MELTF: variants seen among roughly 807,000 people sequenced by gnomAD.
MELTF encodes melanotransferrin.
MELTF carries 67 observed loss-of-function variants against 83.7 expected under a neutral mutation model. The observed-to-expected ratio is 0.80, with a 90% CI of 0.66 to 0.98. The LOEUF (loss-of-function observed/expected upper bound fraction) is 0.98, where lower values mean the gene tolerates loss of function less well. Among genes scored for constraint, MELTF ranks in the 50% least tolerant of loss-of-function variants. MELTF has a pLI of 0.00. For missense variants in MELTF, 1,002 were observed against 1,035.6 expected (o/e 0.97, Z 0.44); for synonymous variants, 462 against 447.6 (o/e 1.03, Z -0.41).
At chr3:197,019,237 G>A in intron 6 of MELTF, 1 of 1,016,730 alleles carries the variant, frequency 9.8e-7, no homozygotes, top group East Asian at 8.8e-5. Context: ...TTTGGTTAGA[G>A]CTCTGGGGCA....
Position 197,008,103 on chromosome 3 carries a change from T to A in MELTF, c.1750+554A>T, listed in dbSNP as rs2108956795. Among the ~76,000 whole-genome samples, 1 of 152,290 alleles carries A rather than the reference T, an allele frequency of 6.6e-6. No individual in the cohort carries two copies. Among genetic ancestry groups the A allele is most frequent in the African/African-American group, 2.4e-5 (1 of 41,558 alleles). The stretch of plus-strand genomic sequence containing the variant: ...GTGTGCTCTGATAGGACCATGTATG[T>A]ACTGGGGTCCCGGAGCAGAGCGTTC... On this transcript the variant is annotated intron_variant, in intron 13 of 15. Coordinates refer to ENST00000296350, the MANE Select transcript of MELTF (RefSeq NM_005929.6). This position sits in a 1 kb window ranked among gnomAD's most constrained non-coding sequence, Gnocchi z 5.4.
At chr3:197,017,789 A>AC (rs1719451207) in intron 6 of MELTF, among the ~76,000 whole-genome samples, 1 of 152,156 alleles carries the variant, frequency 6.6e-6, no homozygotes, top group Admixed American at 6.5e-5. Flanking sequence ...AGGCAGGAGA[A>AC]TGGTGTGAAC....
intron 14 of MELTF, among the ~76,000 whole-genome samples, chr3:197,005,468 G>C (rs1718941362): frequency 6.6e-6 from 1 of 152,212 alleles, no homozygotes; most frequent in Non-Finnish European, 1.5e-5. Flanking sequence ...GATGGTATTT[G>C]ATGACATGGG....
rs1033488896 is a variant in MELTF, at chr3:197,011,436, G to T, written c.1234-642C>A. On this transcript the variant is annotated intron_variant, in intron 9 of 15. Transcript: ENST00000296350. The surrounding 1 kb of genome is among the most constrained non-coding windows in gnomAD (Gnocchi z 4.2). ...GGTGGTCCCAGGACCCCGCCAAGGG[G>T]CTAACTGGTAACAGAGCCATAGTAG... Among the ~76,000 whole-genome samples the T allele has an allele frequency of 2.0e-5, 3 of 152,198 alleles. No homozygotes were observed. Among genetic ancestry groups the T allele is most frequent in the Non-Finnish European group, 4.4e-5 (3 of 68,026 alleles).
chr3:197,009,671 C>A lies in MELTF; in HGVS notation c.1472G>T (p.Gly491Val). Residue 491 changes from glycine (G) to valine (V), a missense_variant, in exon 11 of 16, where the codon GGT becomes GTT. By Grantham distance (109) the Gly-to-Val change is moderately radical (BLOSUM62 -3). Transcript: ENST00000296350. ...GSPAGWDVPV[G>V]ALIQRGFIRP... ...GATGAAGCCTCTCTGAATAAGGGCACCCACGGGGACATCCCAGCCTGCAGG... is the reference window on the plus strand; with the variant it reads ...GATGAAGCCTCTCTGAATAAGGGCAACCACGGGGACATCCCAGCCTGCAGG... 1 of 1,613,866 alleles carries A rather than the reference C, an allele frequency of 6.2e-7. No homozygotes were observed.
chr3:197,029,522 A>G lies in MELTF; in HGVS notation c.49+132T>C, dbSNP rs528393889. On this transcript the variant is annotated intron_variant, in intron 1 of 15. Transcript: ENST00000296350. This position sits in a 1 kb window ranked among gnomAD's most constrained non-coding sequence, Gnocchi z 6.5. ...CCTCCGCCGTCCTCACTCGACCCCGAGCCCCTGCCTCCCCCGTCTCACTGC... is the reference window on the plus strand; with the variant it reads ...CCTCCGCCGTCCTCACTCGACCCCGGGCCCCTGCCTCCCCCGTCTCACTGC... 5.3e-3 allele frequency: 3,472 copies of G among 654,534 alleles called. 16 individuals carry two copies. The highest frequency in any genetic ancestry group is 6.7e-3 in the Admixed American group (152 of 22,838). 40.5% of individuals were successfully genotyped at this position (654,534 alleles called of 1,614,324 possible).
intron 7 of MELTF, 149 bp from the exon 8 acceptor site, chr3:197,016,518 C>CTCCCCTGATCTGCGGCCTCCT (rs1560217069): frequency 4.7e-6 from 3 of 643,504 alleles, no homozygotes; most frequent in Non-Finnish European, 7.8e-6. Flanking sequence ...TCTGCGGCGC[C>CTCCCCTGATCTGCGGCCTCCT]TCCCCTGATC....
At chr3:197,019,559 G>A (rs201061246) in intron 6 of MELTF, 43 of 1,570,578 alleles carry the variant, frequency 2.7e-5, no homozygotes, top group Non-Finnish European at 2.6e-6. Flanking sequence ...GCAACATGGT[G>A]AGACCCCCAT....
At position 197,016,200 on chromosome 3, in the gene MELTF, C is replaced by A; in HGVS notation, c.1070G>T (p.Cys357Phe). The stretch of plus-strand genomic sequence containing the variant: ...ACAGGTGGACTTACGGTTGGGGTCA[C>A]AGAGCAGACCCTTCATGGCGTGCAG... Reference protein sequence around the residue: ...EYLHAMKGLLCDPNRLPPYLR... With the variant: ...EYLHAMKGLLFDPNRLPPYLR... Residue 357 changes from cysteine (C) to phenylalanine (F), a missense_variant, in exon 8 of 16, where the codon TGT (cysteine) becomes TTT (phenylalanine). Transcript: ENST00000296350. 2.6e-6 allele frequency: 4 copies of A among 1,547,750 alleles called. No homozygotes were observed. The highest frequency in any genetic ancestry group is 1.9e-4 in the Middle Eastern group (1 of 5,398).
rs1210190847 is a variant in MELTF, at chr3:197,014,330, G to C, written c.1233+1035C>G. Among the ~76,000 whole-genome samples the C allele has an allele frequency of 2.7e-5, 4 of 148,854 alleles. 1 individual carries two copies. Among genetic ancestry groups the C allele is most frequent in the African/African-American group, 9.9e-5 (4 of 40,520 alleles). On this transcript the variant is annotated intron_variant, in intron 9 of 15. Coordinates refer to ENST00000296350, the MANE Select transcript of MELTF (RefSeq NM_005929.6). ...GTTGATCTCACAGAAGTAAAAAGTA[G>C]AACAGAGGATGCTGCAGACTGGGAA...
rs370392196 is a variant in MELTF at position 197,022,945 on chromosome 3, C to G, written c.644+12G>C. ...CCTGCCCTCGGCCCCTCCCTGCCCC[C>G]ACTCCGCTCACCGGAAGGCCCCGCT... is the stretch of plus-strand genomic sequence containing the variant. On this transcript the variant is annotated intron_variant, in intron 5 of 15. Transcript: ENST00000296350. The surrounding 1 kb of genome is among the most constrained non-coding windows in gnomAD (Gnocchi z 5.1). 1,793 of 1,601,322 alleles carry G rather than the reference C, an allele frequency of 1.1e-3. 2 individuals are homozygous for G. Among genetic ancestry groups the G allele is most frequent in the Non-Finnish European group, 1.5e-3 (1,704 of 1,174,754 alleles).
In MELTF at chr3:197,029,550, C is replaced by T. The variant is rs1253175655; in HGVS notation, c.49+104G>A. 2.0e-6 allele frequency: 2 copies of T among 990,358 alleles called. No homozygotes were observed. Among genetic ancestry groups the T allele is most frequent in the East Asian group, 3.3e-5 (1 of 30,474 alleles). The allele number at this position is 990,358 out of a possible 1,614,324, so 61.3% of individuals were successfully genotyped here. A position where few individuals can be genotyped will look rare whatever the true frequency, so the allele number is the denominator to read the frequency against. ...CCCTGCCTCCCCCGTCTCACTGCCC[C>T]GGAGCCGCAGGCTCAGGCACATTTC... is the stretch of plus-strand genomic sequence containing the variant. On this transcript the variant is annotated intron_variant, in intron 1 of 15. Transcript: ENST00000296350. The surrounding 1 kb of genome is among the most constrained non-coding windows in gnomAD (Gnocchi z 6.5).
rs199855449 is a variant in MELTF, at chr3:197,017,876, C to CA, written c.713-587dup. Among the ~76,000 whole-genome samples the CA allele has an allele frequency of 3.9e-3, 583 of 149,716 alleles. 4 individuals carry two copies. Among genetic ancestry groups the CA allele is most frequent in the Admixed American group, 0.016 (239 of 15,080 alleles). ...TGGGCGACAGAGCGAAACTCTGTCTCAAAAAAAAAGAAAGGCTTTGGGTGA... is the reference window on the plus strand; with the variant it reads ...TGGGCGACAGAGCGAAACTCTGTCTCAAAAAAAAAAGAAAGGCTTTGGGTGA... On this transcript the variant is annotated intron_variant, in intron 6 of 15. Transcript: ENST00000296350.
chr3:197,016,989 C>T (rs376768031), intron 7 of MELTF, 114 bp downstream of exon 7: 31 of 1,186,306 alleles, frequency 2.6e-5, no homozygotes, highest in African/African-American at 2.1e-4. Context: ...TGCTGGGGTC[C>T]GTCCCAAGGA....
At position 197,023,074 on chromosome 3, in the gene MELTF, G is replaced by GC. The variant is rs1335987996; in HGVS notation, c.526dup (p.Ala176GlyfsTer8). 1 of 1,613,794 alleles carries GC rather than the reference G, an allele frequency of 6.2e-7. No homozygotes were observed. Among genetic ancestry groups the GC allele is most frequent in the South Asian group, 1.1e-5 (1 of 91,066 alleles). On this transcript the variant is annotated frameshift_variant, in exon 5 of 16. Transcript: ENST00000296350. LOFTEE classifies it high-confidence loss of function. ...GGACTCAGAGTAACTGGTCTCTCCT[G>GC]CCCCCGGGACGCAGCTGCCCCCAAA...
At chr3:197,011,000 G>A (rs534735458) in intron 9 of MELTF, among the ~76,000 whole-genome samples, 1 of 152,302 alleles carries the variant, frequency 6.6e-6, no homozygotes, top group Non-Finnish European at 1.5e-5. Context: ...AGTGGTGCCT[G>A]GAGGACCAAG....
intron 2 of MELTF, 161 bp from the exon 3 acceptor site, chr3:197,026,920 C>T: frequency 1.7e-6 from 1 of 589,462 alleles, no homozygotes. Flanking sequence ...AGGGCTCTCC[C>T]CCTTTCCCAG....
At chr3:197,026,369 C>T (rs1475477659) in intron 3 of MELTF, 7 of 406,642 alleles carry the variant, frequency 1.7e-5, no homozygotes, top group Admixed American at 3.6e-5. Flanking sequence ...CAGCACCGTG[C>T]CCGGCACCAC....
chr3:197,019,714 C>T (rs1266926213), intron 6 of MELTF: 19 of 1,613,716 alleles, frequency 1.2e-5, no homozygotes, highest in East Asian at 2.2e-5. Flanking sequence ...AGCACTAGAG[C>T]GCATCGTCCT....
Sources: gnomAD v4.1 joint callset for allele counts (sites outside exome capture counted in the v4.1 genomes callset) on GRCh38, gnomAD v4.1.1 for gene constraint, Gnocchi (gnomAD v3.1) non-coding constraint, MANE v1.5 for transcripts, NCBI Gene and HGNC (gene_info 2026-07-23, HGNC 2026-07-21) for gene names.